Variants in CTNND2 observed in about 807,000 individuals in gnomAD.
CTNND2 encodes catenin delta-2.
A neutral mutation model predicts 144.4 loss-of-function variants in CTNND2; 22 were observed. That is an observed-to-expected ratio of 0.15 (90% CI 0.11 to 0.22). The LOEUF is 0.22. Ranked by LOEUF, CTNND2 falls within the 10% of genes least tolerant of loss-of-function variation. The pLI is 1.00. For synonymous variants in CTNND2, 751 were observed against 695.6 expected (o/e 1.08, Z -1.25); for missense variants, 1,353 against 1,618.8 (o/e 0.84, Z 2.82).
intron 11 of CTNND2, among the ~76,000 whole-genome samples, chr5:11,171,393 T>C (rs182384910): frequency 1.6e-4 from 24 of 152,338 alleles, no homozygotes; most frequent in Admixed American, 1.6e-3. Flanking sequence ...GAAAATATGC[T>C]ATCACTGGAT....
chr5:11,818,809 C>T (rs1793155989), intron 1 of CTNND2, among the ~76,000 whole-genome samples: 1 of 152,156 alleles, frequency 6.6e-6, no homozygotes, highest in Non-Finnish European at 1.5e-5. Context: ...AGCTCCTCTG[C>T]CAGGTAACAT....
chr5:11,251,079 G>A (rs1743596391), intron 9 of CTNND2, among the ~76,000 whole-genome samples: 1 of 152,206 alleles, frequency 6.6e-6, no homozygotes, highest in Admixed American at 6.5e-5. Flanking sequence ...TTATTTAAGT[G>A]TTGTACAGAT....
intron 7 of CTNND2, among the ~76,000 whole-genome samples, chr5:11,368,269 G>A (rs199610428): frequency 1.3e-5 from 2 of 152,168 alleles, no homozygotes; most frequent in East Asian, 3.9e-4. Flanking sequence ...GGCATTTGCT[G>A]TATAAGAACT....
intron 6 of CTNND2, among the ~76,000 whole-genome samples, chr5:11,389,507 T>C (rs187568921): frequency 3.0e-4 from 46 of 151,754 alleles, no homozygotes; most frequent in African/African-American, 1.1e-3. Flanking sequence ...TGTGTGTACT[T>C]AGTGGTATAT....
intron 1 of CTNND2, among the ~76,000 whole-genome samples, chr5:11,866,082 C>A (rs2127037765): frequency 6.6e-6 from 1 of 152,114 alleles, no homozygotes; most frequent in South Asian, 2.1e-4. Flanking sequence ...GTGGGAGGAT[C>A]TCTTGAAGCC....
At chr5:11,597,102 G>C (rs1166936803) in intron 2 of CTNND2, among the ~76,000 whole-genome samples, 2 of 152,158 alleles carry the variant, frequency 1.3e-5, no homozygotes, top group African/African-American at 2.4e-5. Context: ...ATATTAAACC[G>C]ATGTGAATCA....
At chr5:11,402,297 T>C (rs1392020946) in intron 5 of CTNND2, among the ~76,000 whole-genome samples, 2 of 152,138 alleles carry the variant, frequency 1.3e-5, no homozygotes, top group Admixed American at 6.5e-5. Flanking sequence ...AATATTTTAA[T>C]AGAAAATATT....
At position 11,185,236 on chromosome 5, in the gene CTNND2, G is replaced by C. The variant is rs531373114; in HGVS notation, c.1975+14212C>G. Among the ~76,000 whole-genome samples, 3 of 152,148 alleles carry C rather than the reference G, an allele frequency of 2.0e-5. No homozygotes were observed. The East Asian group carries it at 5.8e-4, about 29-fold the overall frequency. On this transcript the variant is annotated intron_variant, in intron 11 of 21. Coordinates refer to ENST00000304623, the MANE Select transcript of CTNND2 (RefSeq NM_001332.4). ...CTGAAGTTTCTCTTTCCTCCTCTAA[G>C]CTCCTCTGGCCCTCTCTCCATGCTT...
chr5:11,478,039 G>T (rs1281530617), intron 3 of CTNND2, among the ~76,000 whole-genome samples: 9 of 152,126 alleles, frequency 5.9e-5, no homozygotes, highest in Non-Finnish European at 1.2e-4. Flanking sequence ...ACAACGACAT[G>T]ACTTGGTAAA....
At chr5:11,552,159 C>G (rs1338485747) in intron 3 of CTNND2, among the ~76,000 whole-genome samples, 1 of 152,298 alleles carries the variant, frequency 6.6e-6, no homozygotes, top group East Asian at 1.9e-4. Flanking sequence ...AGACATTAAA[C>G]CCTTGGGAAT....
chr5:11,776,565 A>T (rs1393099542), intron 1 of CTNND2, among the ~76,000 whole-genome samples: 2 of 152,188 alleles, frequency 1.3e-5, no homozygotes, highest in South Asian at 2.1e-4. Context: ...AATGAGAAAC[A>T]TAATATTATC....
In CTNND2 at chr5:11,627,926, T is replaced by C. The variant is rs539467239; in HGVS notation, c.175-62870A>G. Among the ~76,000 whole-genome samples, 4 of 151,572 alleles carry C rather than the reference T, an allele frequency of 2.6e-5. No individual in the cohort carries two copies. In the South Asian group the frequency reaches 8.4e-4, roughly 32 times the overall value. On this transcript the variant is annotated intron_variant, in intron 2 of 21. Transcript: ENST00000304623. Reference sequence around the variant, plus strand: ...GATCCCTCACATGTGAAGTTCACAATAGGGTTCACGTTCTTATAAGAATCC... The same window carrying C: ...GATCCCTCACATGTGAAGTTCACAACAGGGTTCACGTTCTTATAAGAATCC...
At chr5:10,994,788 C>T (rs1014916078) in intron 18 of CTNND2, among the ~76,000 whole-genome samples, 1 of 152,112 alleles carries the variant, frequency 6.6e-6, no homozygotes, top group African/African-American at 2.4e-5. Context: ...GGAGTAGCCA[C>T]AGCAAAGCTG....
chr5:11,357,084 T>C (rs1300333409), intron 8 of CTNND2, among the ~76,000 whole-genome samples: 2 of 152,084 alleles, frequency 1.3e-5, no homozygotes, highest in Non-Finnish European at 1.5e-5. Context: ...CATGGTATTA[T>C]AAACTAGTTA....
chr5:11,080,081 T>C (rs1749389562), intron 16 of CTNND2, among the ~76,000 whole-genome samples: 1 of 152,120 alleles, frequency 6.6e-6, no homozygotes, highest in East Asian at 1.9e-4. Context: ...AATATAATTA[T>C]GGGTTGATAT....
At chr5:11,272,604 T>G (rs546589268) in intron 9 of CTNND2, among the ~76,000 whole-genome samples, 1 of 152,140 alleles carries the variant, frequency 6.6e-6, no homozygotes, top group African/African-American at 2.4e-5. Context: ...CTGAACTGAT[T>G]TTACAACTCC....
At chr5:11,740,765 G>A (rs111463113) in intron 1 of CTNND2, among the ~76,000 whole-genome samples, 4 of 152,226 alleles carry the variant, frequency 2.6e-5, no homozygotes, top group African/African-American at 9.6e-5. Context: ...CCTACAGACT[G>A]GGAGAAAATT....
intron 1 of CTNND2, among the ~76,000 whole-genome samples, chr5:11,736,331 TC>T (rs1787681114): frequency 6.6e-6 from 1 of 152,224 alleles, no homozygotes; most frequent in East Asian, 1.9e-4. Context: ...TTTATCTACC[TC>T]CTTTCTCCTT....
chr5:11,744,211 T>TA (rs1788178269), intron 1 of CTNND2, among the ~76,000 whole-genome samples: 1 of 152,184 alleles, frequency 6.6e-6, no homozygotes, highest in South Asian at 2.1e-4. Context: ...TTATCTGTCT[T>TA]AAAAATATTA....
Sources: gnomAD v4.1 joint callset for allele counts (sites outside exome capture counted in the v4.1 genomes callset) on GRCh38, gnomAD v4.1.1 for gene constraint, MANE v1.5 for transcripts, NCBI Gene and HGNC (gene_info 2026-07-23, HGNC 2026-07-21) for gene names.